CERS6: variants seen among roughly 807,000 people sequenced by gnomAD.
The protein encoded by CERS6 is LAG1 homolog, ceramide synthase 6.
A neutral mutation model predicts 56.8 loss-of-function variants in CERS6; 26 were observed. That is an observed-to-expected ratio of 0.46 (90% confidence interval 0.34 to 0.63). CERS6 has a LOEUF of 0.63. Ranked by LOEUF, CERS6 falls within the 30% of genes least tolerant of loss-of-function variation. The pLI, the probability that CERS6 is intolerant of heterozygous loss-of-function variation, is 0.01. For missense variants in CERS6, 415 were observed against 467.5 expected (o/e 0.89, Z 1.04); for synonymous variants, 164 against 173.3 (o/e 0.95, Z 0.42).
At position 168,771,702 on chromosome 2, in the gene CERS6, T is replaced by C. The variant is rs1684863569; in HGVS notation, c.*2040T>C. On this transcript the variant is annotated 3_prime_UTR_variant, in exon 10 of 10. Coordinates refer to ENST00000305747, the MANE Select transcript of CERS6 (RefSeq NM_203463.3). ...GTCTGGGGCAAGTCCTCTCAATGGC[T>C]AAAATTAACTTTAGAGATCCATGTG... 6.6e-6 allele frequency: 1 copy of C among 152,222 alleles called. No individual in the cohort carries two copies. The highest frequency in any genetic ancestry group is 6.5e-5 in the Admixed American group (1 of 15,284). 9.4% of individuals were successfully genotyped at this position (152,222 alleles called of 1,614,324 possible).
At position 168,561,201 on chromosome 2, in the gene CERS6, G is replaced by A. The variant is rs1458604732; in HGVS notation, c.286G>A (p.Glu96Lys). ...GTACCTTGTTTCATAGCATCCTGAT[G>A]AAAAGAGATTGGAAGGCCTCTCCAA... is the stretch of plus-strand genomic sequence containing the variant. ...VFTAITKHPD[E>K]KRLEGLSKQL... Residue 96 changes from glutamate (E) to lysine (K), a missense_variant, in exon 3 of 10, where the codon GAA (glutamate) becomes AAA (lysine). By Grantham distance (56) the Glu-to-Lys change is moderately conservative. Coordinates refer to ENST00000305747, the MANE Select transcript of CERS6 (RefSeq NM_203463.3). The A allele has an allele frequency of 6.2e-7, 1 of 1,614,002 alleles. No individual in the cohort carries two copies. Among genetic ancestry groups the A allele is most frequent in the East Asian group, 2.2e-5 (1 of 44,886 alleles).
intron 6 of CERS6, among the ~76,000 whole-genome samples, chr2:168,699,489 C>T (rs1686751171): frequency 6.6e-6 from 1 of 152,172 alleles, no homozygotes; most frequent in South Asian, 2.1e-4. Context: ...CCTCAGACTT[C>T]TAGAATCAGT....
Position 168,637,000 on chromosome 2 carries a change from G to A in CERS6, c.465+5958G>A, listed in dbSNP as rs115282875. Among the ~76,000 whole-genome samples, 1,276 of 152,240 alleles carry A rather than the reference G, an allele frequency of 8.4e-3. 20 individuals carry two copies. The highest frequency in any genetic ancestry group is 0.029 in the African/African-American group (1,209 of 41,562). ...TTTAATTGCTTCGTCTCTAAAATCA[G>A]TAATGTAGACTATCCTAACTAATGG... On this transcript the variant is annotated intron_variant, in intron 4 of 9. Coordinates refer to ENST00000305747, the MANE Select transcript of CERS6 (RefSeq NM_203463.3).
intron 4 of CERS6, among the ~76,000 whole-genome samples, chr2:168,670,863 G>A (rs1685889714): frequency 6.7e-6 from 1 of 149,368 alleles, no homozygotes; most frequent in South Asian, 2.1e-4. Context: ...TAGAAAATAA[G>A]TTCTGTGAGA....
rs1159809571 is a variant in CERS6 at position 168,774,879 on chromosome 2, A to G, written c.*5217A>G. 1 of 152,160 alleles carries G rather than the reference A, an allele frequency of 6.6e-6. No individual in the cohort carries two copies. The highest frequency in any genetic ancestry group is 1.5e-5 in the Non-Finnish European group (1 of 68,024). The allele number at this position is 152,160 out of a possible 1,614,324, so 9.4% of individuals were successfully genotyped here. On this transcript the variant is annotated 3_prime_UTR_variant, in exon 10 of 10. Coordinates refer to ENST00000305747, the MANE Select transcript of CERS6 (RefSeq NM_203463.3). ...TGGTGTTTGGATTTGATTTTTTTCAACTTGCAGTGAGAAATAGGATAGGTG... is the reference window on the plus strand; with the variant it reads ...TGGTGTTTGGATTTGATTTTTTTCAGCTTGCAGTGAGAAATAGGATAGGTG...
chr2:168,612,448 G>T (rs1174670715), intron 3 of CERS6, among the ~76,000 whole-genome samples: 1 of 152,242 alleles, frequency 6.6e-6, no homozygotes, highest in Non-Finnish European at 1.5e-5. Flanking sequence ...GATCATGAAA[G>T]GTTGAGATGG....
chr2:168,511,733 A>G (rs1694790415), intron 1 of CERS6, among the ~76,000 whole-genome samples: 2 of 152,160 alleles, frequency 1.3e-5, no homozygotes, highest in African/African-American at 4.8e-5. Flanking sequence ...GTTTGTATTT[A>G]AAGTTTAAAA....
intron 3 of CERS6, among the ~76,000 whole-genome samples, chr2:168,612,275 TAGA>T (rs1684207953): frequency 6.6e-6 from 1 of 152,210 alleles, no homozygotes; most frequent in Non-Finnish European, 1.5e-5. Context: ...CAGTCCTACG[TAGA>T]AGATTTAAGA....
In CERS6 at chr2:168,715,023, AC is replaced by A; in HGVS notation, c.634del (p.His212ThrfsTer7). ...AAGGACTTTGGCATTATGTTCCTGC[AC>A]CACCTTGTATCTATTTTCTTGATTA... Reference protein sequence around the residue: ...KRKDFGIMFLHHLVSIFLITF... With the variant: ...KRKDFGIMFLXHLVSIFLITF... On this transcript the variant is annotated frameshift_variant, in exon 7 of 10. Transcript: ENST00000305747. LOFTEE classifies it high-confidence loss of function. The A allele has an allele frequency of 1.2e-6, 2 of 1,608,960 alleles. No individual in the cohort carries two copies. Among genetic ancestry groups the A allele is most frequent in the Admixed American group, 3.4e-5 (2 of 59,330 alleles).
At chr2:168,698,786 TA>T (rs1195604464) in intron 6 of CERS6, among the ~76,000 whole-genome samples, 3 of 152,302 alleles carry the variant, frequency 2.0e-5, no homozygotes, top group East Asian at 3.9e-4. Context: ...AAAACACCTG[TA>T]AAAGGGATAA....
chr2:168,749,040 G>A (rs1025973561), intron 8 of CERS6, among the ~76,000 whole-genome samples: 21 of 150,012 alleles, frequency 1.4e-4, no homozygotes, highest in Non-Finnish European at 2.8e-4. Context: ...AAGGTTTGAG[G>A]TATTGTACCC....
chr2:168,612,680 A>C (rs1684218844), intron 3 of CERS6, among the ~76,000 whole-genome samples: 1 of 152,222 alleles, frequency 6.6e-6, no homozygotes, highest in Non-Finnish European at 1.5e-5. Flanking sequence ...TTGGCTGAGA[A>C]TATTAAAGCA....
At chr2:168,656,268 T>G (rs1685466127) in intron 4 of CERS6, among the ~76,000 whole-genome samples, 1 of 152,256 alleles carries the variant, frequency 6.6e-6, no homozygotes, top group Non-Finnish European at 1.5e-5. Context: ...AAAGCAAGGC[T>G]GTTCTGTAGT....
chr2:168,549,775 G>T (rs1239845343), intron 2 of CERS6, among the ~76,000 whole-genome samples: 1 of 152,182 alleles, frequency 6.6e-6, no homozygotes, highest in African/African-American at 2.4e-5. Flanking sequence ...TGCAGCAAAA[G>T]TTGGAACTGT....
At chr2:168,741,479 T>G (rs1683905179) in intron 8 of CERS6, among the ~76,000 whole-genome samples, 1 of 152,028 alleles carries the variant, frequency 6.6e-6, no homozygotes, top group South Asian at 2.1e-4. Context: ...AGAGTTGTCT[T>G]GGGCCACACA....
intron 3 of CERS6, among the ~76,000 whole-genome samples, chr2:168,598,908 C>T (rs1683867792): frequency 6.6e-6 from 1 of 152,158 alleles, no homozygotes; most frequent in Non-Finnish European, 1.5e-5. Context: ...TCTCTGGAGA[C>T]CTTTTCTGCC....
chr2:168,678,379 G>GCTT (rs1686120483), intron 4 of CERS6, among the ~76,000 whole-genome samples: 1 of 152,166 alleles, frequency 6.6e-6, no homozygotes, highest in South Asian at 2.1e-4. Context: ...AAGCACACCT[G>GCTT]CTTCTTACTG....
At chr2:168,504,593 C>G (rs1327691014) in intron 1 of CERS6, among the ~76,000 whole-genome samples, 1 of 152,082 alleles carries the variant, frequency 6.6e-6, no homozygotes, top group Non-Finnish European at 1.5e-5. Flanking sequence ...CCACTGAGAT[C>G]AATAGCTGAG....
chr2:168,465,913 G>A (rs768415710), intron 1 of CERS6, among the ~76,000 whole-genome samples: 4 of 151,934 alleles, frequency 2.6e-5, no homozygotes, highest in African/African-American at 7.3e-5. Context: ...GACTTGAAAG[G>A]TCACTAGAAA....
Sources: gnomAD v4.1 joint callset for allele counts (sites outside exome capture counted in the v4.1 genomes callset) on GRCh38, gnomAD v4.1.1 for gene constraint, MANE v1.5 for transcripts, NCBI Gene and HGNC (gene_info 2026-07-23, HGNC 2026-07-21) for gene names.